ALMS1: variants seen among roughly 807,000 people sequenced by gnomAD.
ALMS1 encodes ALMS1 centrosome and basal body associated protein.
In ALMS1, 271 loss-of-function variants were observed where a neutral mutation model predicts 352.2. The ratio of observed to expected loss-of-function variants is 0.77; its 90% CI spans 0.70 to 0.85. ALMS1 has a LOEUF of 0.85. Among genes scored for constraint, ALMS1 ranks in the 40% least tolerant of loss-of-function variants. The pLI is 0.00. For missense variants in ALMS1, 5,445 were observed against 4,870.7 expected, an observed-to-expected ratio of 1.12 and a Z score of -3.51; for synonymous variants, 1,865 against 1,761.2, an observed-to-expected ratio of 1.06 and a Z score of -1.48.
At chr2:73,486,374 G>A (rs1357899185) in intron 9 of ALMS1, among the ~76,000 whole-genome samples, 1 of 152,130 alleles carries the variant, frequency 6.6e-6, no homozygotes, top group Non-Finnish European at 1.5e-5. Context: ...AGTAAGTCCT[G>A]GGTTCCTCAC....
At chr2:73,544,381 G>T (rs1486218949) in intron 12 of ALMS1, among the ~76,000 whole-genome samples, 2 of 152,110 alleles carry the variant, frequency 1.3e-5, no homozygotes, top group Non-Finnish European at 2.9e-5. Flanking sequence ...GGGGGAAGCG[G>T]GGAGGGATAG....
At chr2:73,478,999 T>A (rs756255952) in intron 9 of ALMS1, among the ~76,000 whole-genome samples, 2 of 152,162 alleles carry the variant, frequency 1.3e-5, no homozygotes, top group Non-Finnish European at 2.9e-5. Flanking sequence ...TTCATCCATG[T>A]CCCAGCAAAG....
At chr2:73,564,465 C>CAAAAAAAAAAAAAAAAAAAAA (rs367797062) in intron 15 of ALMS1, among the ~76,000 whole-genome samples, 1 of 63,362 alleles carries the variant, frequency 1.6e-5, no homozygotes, top group Non-Finnish European at 3.4e-5. Context: ...GACTCCGTCT[C>CAAAAAAAAAAAAAAAAAAAAA]AAAAAAAAAA....
At chr2:73,464,317 G>A (rs532878119) in intron 9 of ALMS1, among the ~76,000 whole-genome samples, 1 of 152,118 alleles carries the variant, frequency 6.6e-6, no homozygotes, top group Non-Finnish European at 1.5e-5. Flanking sequence ...ACGTAATCCA[G>A]CATATACACA....
chr2:73,596,574 C>T (rs1008872351), intron 16 of ALMS1, among the ~76,000 whole-genome samples: 18 of 151,618 alleles, frequency 1.2e-4, no homozygotes, highest in South Asian at 4.2e-4. Context: ...TGGGTTCAAG[C>T]GATTCTTCTG....
intron 12 of ALMS1, among the ~76,000 whole-genome samples, chr2:73,543,062 A>G (rs1674225943): frequency 6.6e-6 from 1 of 152,228 alleles, no homozygotes. Context: ...CGCCACGTCA[A>G]TCCTAAGACA....
At chr2:73,555,164 A>G (rs1674518171) in intron 13 of ALMS1, among the ~76,000 whole-genome samples, 1 of 152,210 alleles carries the variant, frequency 6.6e-6, no homozygotes, top group African/African-American at 2.4e-5. Context: ...TGGAAAATCA[A>G]AAAACGTATA....
intron 16 of ALMS1, among the ~76,000 whole-genome samples, chr2:73,593,279 G>T (rs1048807038): frequency 3.3e-5 from 5 of 151,132 alleles, no homozygotes; most frequent in Non-Finnish European, 5.9e-5. Context: ...TGTGATTATT[G>T]TGAATCCGTG....
Position 73,490,903 on chromosome 2 carries a change from A to C in ALMS1, c.8944A>C (p.Lys2982Gln). The change falls in exon 10 of 23, where the codon AAA becomes CAA. Residue 2982 changes from lysine to glutamine, a missense_variant. Lys to Gln is a moderately conservative substitution (Grantham distance 53, BLOSUM62 1). Coordinates refer to ENST00000613296, the MANE Select transcript of ALMS1 (RefSeq NM_001378454.1). ...GCCAGGTGTAGATGACCAAATGAATAAACACCATTTTCCCCTTCCTCAAGG... is the reference window on the plus strand; with the variant it reads ...GCCAGGTGTAGATGACCAAATGAATCAACACCATTTTCCCCTTCCTCAAGG... ...KAPGVDDQMN[K>Q]HHFPLPQGQD... The C allele has an allele frequency of 2.5e-6, 4 of 1,613,846 alleles. No individual in the cohort carries two copies. The highest frequency in any genetic ancestry group is 3.4e-6 in the Non-Finnish European group (4 of 1,179,910).
At chr2:73,445,048 C>G (rs111922698) in intron 7 of ALMS1, among the ~76,000 whole-genome samples, 7 of 151,788 alleles carry the variant, frequency 4.6e-5, no homozygotes, top group African/African-American at 1.7e-4. Flanking sequence ...GAGTTTACTT[C>G]TCTGTACACA....
intron 15 of ALMS1, among the ~76,000 whole-genome samples, chr2:73,563,540 G>A (rs1237334595): frequency 6.6e-6 from 1 of 151,824 alleles, no homozygotes; most frequent in Non-Finnish European, 1.5e-5. Flanking sequence ...GGCTAACATG[G>A]TGGAACCCCG....
intron 16 of ALMS1, among the ~76,000 whole-genome samples, chr2:73,585,357 T>A (rs954128058): frequency 1.3e-5 from 2 of 152,032 alleles, no homozygotes; most frequent in African/African-American, 4.8e-5. Context: ...ATTGTGGTTT[T>A]AATTTGCATT....
chr2:73,390,015 G>GA (rs1171669092), intron 1 of ALMS1, among the ~76,000 whole-genome samples: 1 of 152,038 alleles, frequency 6.6e-6, no homozygotes, highest in Non-Finnish European at 1.5e-5. Context: ...ATGGGTAATA[G>GA]AAAATCTTAC....
At chr2:73,411,652 T>G (rs903504431) in intron 2 of ALMS1, among the ~76,000 whole-genome samples, 1 of 152,190 alleles carries the variant, frequency 6.6e-6, no homozygotes, top group East Asian at 1.9e-4. Context: ...TCTAGTTCAC[T>G]TCCTTCTTAT....
At chr2:73,385,809 C>T (rs1425460838), upstream of ALMS1, 6 of 676,592 alleles carry the variant, frequency 8.9e-6, no homozygotes, top group South Asian at 1.6e-5. Context: ...TCAGGGCTCT[C>T]CCCTTCCCCT....
intron 17 of ALMS1, among the ~76,000 whole-genome samples, chr2:73,600,300 G>A (rs2104191853): frequency 6.6e-6 from 1 of 152,152 alleles, no homozygotes; most frequent in African/African-American, 2.4e-5. Flanking sequence ...ATCTTGATTT[G>A]TTTCTTCCCC....
chr2:73,424,546 G>C lies in ALMS1; in HGVS notation c.881G>C (p.Ser294Thr). The change falls in exon 5 of 23, where the codon AGT becomes ACT. Residue 294 changes from serine (S) to threonine (T), a missense_variant. Ser to Thr is a moderately conservative substitution (Grantham distance 58). Transcript: ENST00000613296. ...VASDLASSRF[S>T]VSQHPLIGST... ...TCAGACTTAGCAAGCAGTCGCTTTA[G>C]TGTATCTCAGCACCCGCTTATAGGC... 6 of 1,613,720 alleles carry C rather than the reference G, an allele frequency of 3.7e-6. No homozygotes were observed. The highest frequency in any genetic ancestry group is 5.1e-6 in the Non-Finnish European group (6 of 1,179,834).
At chr2:73,446,082 A>C (rs1242299937) in intron 7 of ALMS1, among the ~76,000 whole-genome samples, 1 of 152,190 alleles carries the variant, frequency 6.6e-6, no homozygotes, top group African/African-American at 2.4e-5. Context: ...TAGAACTGAC[A>C]AGAATTCTTC....
At chr2:73,414,404 T>C (rs1180231923) in intron 2 of ALMS1, among the ~76,000 whole-genome samples, 1 of 151,718 alleles carries the variant, frequency 6.6e-6, no homozygotes, top group African/African-American at 2.4e-5. Flanking sequence ...TTTAGGACTT[T>C]ATATGCAGAG....
Sources: allele counts gnomAD v4.1 joint callset (sites outside exome capture counted in the v4.1 genomes callset), GRCh38; gene constraint gnomAD v4.1.1; transcripts MANE v1.5; gene names NCBI Gene and HGNC (gene_info 2026-07-23, HGNC 2026-07-21).